SLC13A5: variants seen among roughly 807,000 people sequenced by gnomAD.
SLC13A5 encodes Na(+)/citrate cotransporter.
A neutral mutation model predicts 56.5 loss-of-function variants in SLC13A5; 25 were observed. The observed-to-expected ratio is 0.44, with a 90% CI of 0.32 to 0.62. The LOEUF (loss-of-function observed/expected upper bound fraction) is 0.62, where lower values mean the gene tolerates loss of function less well. Ranked by LOEUF, SLC13A5 falls within the 20% of genes least tolerant of loss-of-function variation. The pLI, the probability that SLC13A5 is intolerant of heterozygous loss-of-function variation, is 0.04. For synonymous variants in SLC13A5, 307 were observed against 301.5 expected (o/e 1.02, Z -0.19); for missense variants, 649 against 737.8 (o/e 0.88, Z 1.39).
Position 6,703,146 on chromosome 17 carries a change from G to A in SLC13A5, c.548-8C>T. 2.5e-6 allele frequency: 4 copies of A among 1,613,898 alleles called. No individual in the cohort carries two copies. Among genetic ancestry groups the A allele is most frequent in the Non-Finnish European group, 3.4e-6 (4 of 1,180,016 alleles). Reference sequence around the variant, plus strand: ...CAAAAATCACTTGACTCCCTGTGGTGGGCACAGCGCTGTTAGCTGAGCCAG... The same window carrying A: ...CAAAAATCACTTGACTCCCTGTGGTAGGCACAGCGCTGTTAGCTGAGCCAG... On this transcript the variant is annotated splice_region_variant and splice_polypyrimidine_tract_variant and intron_variant, in intron 4 of 11. Transcript: ENST00000433363.
rs370776862 is a variant in SLC13A5, at chr17:6,698,876, A to G, written c.839+2128T>C. 1.6e-3 allele frequency among the ~76,000 whole-genome samples: 244 copies of G among 151,680 alleles called. 1 individual carries two copies. Among genetic ancestry groups the G allele is most frequent in the African/African-American group, 4.3e-3 (179 of 41,358 alleles). ...AACATGGCAAAACCCCATCTCTACT[A>G]AAAAATACAAAAATTAGCCAGGCAT... On this transcript the variant is annotated intron_variant, in intron 6 of 11. Transcript: ENST00000433363.
chr17:6,690,850 C>T lies in SLC13A5; in HGVS notation c.1366G>A (p.Val456Ile), dbSNP rs146047560. Residue 456 changes from valine to isoleucine, a missense_variant, in exon 10 of 12, where the codon GTT becomes ATT. By Grantham distance (29) the Val-to-Ile change is conservative. Transcript: ENST00000433363. ...CTTGTGCACTCAGTGAACACGGCAACGAGCAAGGACAAGATCAAGGTGATG... is the reference window on the plus strand; with the variant it reads ...CTTGTGCACTCAGTGAACACGGCAATGAGCAAGGACAAGATCAAGGTGATG... The part of the protein sequence containing the change: ...AAITLILSLL[V>I]AVFTECTSNV... 3.0e-4 allele frequency: 484 copies of T among 1,614,096 alleles called. 2 individuals carry two copies. Among genetic ancestry groups the T allele is most frequent in the Middle Eastern group, 8.2e-4 (5 of 6,082 alleles).
At chr17:6,708,852 G>A (rs1000130885) in intron 1 of SLC13A5, among the ~76,000 whole-genome samples, 7 of 152,132 alleles carry the variant, frequency 4.6e-5, no homozygotes, top group South Asian at 2.1e-4. Flanking sequence ...TTCACCTAAC[G>A]TGCACGGGTT....
At position 6,703,147 on chromosome 17, in the gene SLC13A5, G is replaced by A. The variant is rs1973763095; in HGVS notation, c.548-9C>T. 6.2e-7 allele frequency: 1 copy of A among 1,613,878 alleles called. No homozygotes were observed. The highest frequency in any genetic ancestry group is 8.5e-7 in the Non-Finnish European group (1 of 1,180,012). On this transcript the variant is annotated splice_polypyrimidine_tract_variant and intron_variant, in intron 4 of 11. Coordinates refer to ENST00000433363, the MANE Select transcript of SLC13A5 (RefSeq NM_177550.5). ...AAAAATCACTTGACTCCCTGTGGTG[G>A]GCACAGCGCTGTTAGCTGAGCCAGT...
At chr17:6,699,617 T>C (rs1973656823) in intron 6 of SLC13A5, among the ~76,000 whole-genome samples, 1 of 152,150 alleles carries the variant, frequency 6.6e-6, no homozygotes. Flanking sequence ...GTTACAGGCA[T>C]GTGCCACCAT....
intron 1 of SLC13A5, among the ~76,000 whole-genome samples, chr17:6,709,768 T>A (rs78078653): frequency 1.3e-5 from 2 of 152,116 alleles, no homozygotes; most frequent in African/African-American, 2.4e-5. Flanking sequence ...AAAAAATAAA[T>A]CTTTTTTCAG....
At chr17:6,706,553 T>C in intron 3 of SLC13A5, 89 bp downstream of exon 3, 9 of 1,522,314 alleles carry the variant, frequency 5.9e-6, no homozygotes, top group Non-Finnish European at 8.0e-6. Flanking sequence ...CCCTCACCAG[T>C]GGATGGCCTG....
At chr17:6,695,656 G>A (rs1973539358) in intron 7 of SLC13A5, 70 bp downstream of exon 7, 1 of 1,519,396 alleles carries the variant, frequency 6.6e-7, no homozygotes, top group Non-Finnish European at 9.1e-7. Flanking sequence ...CTCCCAAAGT[G>A]CTGGGATTAC....
chr17:6,689,776 C>T (rs1256279336), intron 10 of SLC13A5: 1 of 152,092 alleles, frequency 6.6e-6, no homozygotes, highest in Non-Finnish European at 1.5e-5. Flanking sequence ...CCCAGGCAGC[C>T]GAATGGAAAT....
intron 7 of SLC13A5, among the ~76,000 whole-genome samples, chr17:6,694,835 C>T (rs934277630): frequency 3.3e-5 from 5 of 152,158 alleles, no homozygotes; most frequent in East Asian, 3.9e-4. Flanking sequence ...TGACCTAAGC[C>T]GACCTTCAAA....
chr17:6,704,361 G>T (rs1042181090), intron 3 of SLC13A5: 2 of 506,008 alleles, frequency 4.0e-6, no homozygotes, highest in South Asian at 3.3e-5. Flanking sequence ...GAGCACCCCT[G>T]CCCCACCATC....
intron 10 of SLC13A5, 58 bp downstream of exon 10, chr17:6,690,721 A>G (rs1286004460): frequency 8.7e-6 from 14 of 1,610,280 alleles, no homozygotes; most frequent in Non-Finnish European, 6.8e-6. Flanking sequence ...GGGACCCACA[A>G]TATGGCCATG....
At chr17:6,688,937 T>C (rs542624511) in intron 10 of SLC13A5, 32 of 152,370 alleles carry the variant, frequency 2.1e-4, no homozygotes, top group African/African-American at 7.5e-4. Flanking sequence ...ACTATGAGCA[T>C]GTTCCCATTT....
chr17:6,708,097 G>A (rs533652460), intron 1 of SLC13A5, among the ~76,000 whole-genome samples: 154 of 152,166 alleles, frequency 1.0e-3, no homozygotes, highest in African/African-American at 3.4e-3. Flanking sequence ...CTCAACCTCC[G>A]GAGTTGGGAT....
At chr17:6,688,831 A>G (rs752165256) in intron 10 of SLC13A5, 3 of 152,236 alleles carry the variant, frequency 2.0e-5, no homozygotes, top group Admixed American at 6.5e-5. Flanking sequence ...AACAGAGGTC[A>G]TCTCTAGGGA....
chr17:6,694,166 C>T lies in SLC13A5; in HGVS notation c.1087G>A (p.Val363Met), dbSNP rs2151485566. ...GGCACAATGAATAGCAGGGTGGCCACAAAGATGGCCACAGTGGCATCGGAG... is the reference window on the plus strand; with the variant it reads ...GGCACAATGAATAGCAGGGTGGCCATAAAGATGGCCACAGTGGCATCGGAG... ...YVSDATVAIF[V>M]ATLLFIVPSQ... Residue 363 changes from valine (V) to methionine (M), a missense_variant, in exon 8 of 12, where the codon GTG (valine) becomes ATG (methionine). By Grantham distance (21) the Val-to-Met change is conservative (BLOSUM62 1). Coordinates refer to ENST00000433363, the MANE Select transcript of SLC13A5 (RefSeq NM_177550.5). The T allele has an allele frequency of 1.2e-6, 2 of 1,612,990 alleles. No homozygotes were observed. The highest frequency in any genetic ancestry group is 4.5e-5 in the East Asian group (2 of 44,844).
intron 1 of SLC13A5, among the ~76,000 whole-genome samples, chr17:6,708,889 C>T (rs1167740517): frequency 6.6e-6 from 1 of 152,172 alleles, no homozygotes; most frequent in Non-Finnish European, 1.5e-5. Flanking sequence ...ACCATACTAG[C>T]CAAAGAAAAG....
In SLC13A5 at chr17:6,687,397, A is replaced by G; in HGVS notation, c.1575+132T>C. 8.3e-7 allele frequency: 1 copy of G among 1,197,720 alleles called. No homozygotes were observed. Among genetic ancestry groups the G allele is most frequent in the Non-Finnish European group, 1.2e-6 (1 of 832,498 alleles). The allele number at this position is 1,197,720 out of a possible 1,614,324, so 74.2% of individuals were successfully genotyped here. On this transcript the variant is annotated intron_variant, in intron 11 of 11. Transcript: ENST00000433363. This position sits in a 1 kb window ranked among gnomAD's most constrained non-coding sequence, Gnocchi z 5.0. Reference sequence around the variant, plus strand: ...TGCATTATAAATGTCAACAATGGCTACAGGTCTGGATGTTCCGTGGCATTC... The same window carrying G: ...TGCATTATAAATGTCAACAATGGCTGCAGGTCTGGATGTTCCGTGGCATTC...
In SLC13A5 at chr17:6,689,877, C is replaced by A. The variant is rs1374012357; in HGVS notation, c.1437+902G>T. 7.2e-5 allele frequency: 11 copies of A among 151,970 alleles called. No homozygotes were observed. In the East Asian group the frequency reaches 1.9e-3, roughly 27 times the overall value. The allele number at this position is 151,970 out of a possible 1,614,324, so 9.4% of individuals were successfully genotyped here. ...GCCTCTCCCATGCTCATTTTGCAGT[C>A]TACAGAGGCTTTTCATAGCCCTCAT... On this transcript the variant is annotated intron_variant, in intron 10 of 11. Transcript: ENST00000433363.
Sources: allele counts gnomAD v4.1 joint callset (sites outside exome capture counted in the v4.1 genomes callset), GRCh38; gene constraint gnomAD v4.1.1; non-coding constraint Gnocchi (gnomAD v3.1); transcripts MANE v1.5; gene names NCBI Gene and HGNC (gene_info 2026-07-23, HGNC 2026-07-21).